The following HS3ST3B1 variants were observed in gnomAD, a reference collection of about 807,000 sequenced individuals.
The protein encoded by HS3ST3B1 is heparan sulfate-glucosamine 3-sulfotransferase 3B1, also known as heparan sulfate glucosamine 3-O-sulfotransferase 3B1.
A neutral mutation model predicts 21.3 loss-of-function variants in HS3ST3B1; 13 were observed. That is an observed-to-expected ratio of 0.61 (90% confidence interval 0.40 to 0.97). The LOEUF (loss-of-function observed/expected upper bound fraction) is 0.97, where lower values mean the gene tolerates loss of function less well. Among genes scored for constraint, HS3ST3B1 ranks in the 50% least tolerant of loss-of-function variants. The pLI is 0.00. For synonymous variants in HS3ST3B1, 234 were observed against 254.8 expected, an observed-to-expected ratio of 0.92 and a Z score of 0.78; for missense variants, 459 against 554.8, an observed-to-expected ratio of 0.83 and a Z score of 1.73.
In HS3ST3B1 at chr17:14,347,972, A is replaced by G. The variant is rs962029050; in HGVS notation, c.*2326A>G. Reference sequence around the variant, plus strand: ...TGTATTTTTTCATTTATTTGAAATCAAACTGAGAACACCTCTTTTCGGTTT... The same window carrying G: ...TGTATTTTTTCATTTATTTGAAATCGAACTGAGAACACCTCTTTTCGGTTT... On this transcript the variant is annotated 3_prime_UTR_variant, in exon 2 of 2. Coordinates refer to ENST00000360954, the MANE Select transcript of HS3ST3B1 (RefSeq NM_006041.3). 1.3e-5 allele frequency: 2 copies of G among 152,216 alleles called. No homozygotes were observed. The highest frequency in any genetic ancestry group is 2.4e-5 in the African/African-American group (1 of 41,458). 9.4% of individuals were successfully genotyped at this position (152,216 alleles called of 1,614,324 possible).
intron 1 of HS3ST3B1, among the ~76,000 whole-genome samples, chr17:14,314,861 G>A (rs936098024): frequency 2.0e-5 from 3 of 152,138 alleles, no homozygotes; most frequent in Non-Finnish European, 2.9e-5. Flanking sequence ...TACGTTTCAC[G>A]ATTAAATTTC....
chr17:14,341,836 G>A (rs1252017874), intron 1 of HS3ST3B1, among the ~76,000 whole-genome samples: 1 of 152,182 alleles, frequency 6.6e-6, no homozygotes, highest in African/African-American at 2.4e-5. Flanking sequence ...AAGAACTTGG[G>A]CTTTATCTGA....
chr17:14,328,320 G>A (rs1429331379), intron 1 of HS3ST3B1: 7 of 152,274 alleles, frequency 4.6e-5, no homozygotes, highest in Middle Eastern at 3.4e-3. Context: ...CAAAGGTATC[G>A]GGCTTTTAGA....
intron 1 of HS3ST3B1, among the ~76,000 whole-genome samples, chr17:14,310,064 T>C (rs758051): frequency 0.51 from 77,335 of 151,760 alleles, 21,237 homozygotes; most frequent in Non-Finnish European, 0.6. Flanking sequence ...GTAAGGCGAT[T>C]CCGCAGATTC....
At chr17:14,342,063 G>C (rs1450564240) in intron 1 of HS3ST3B1, among the ~76,000 whole-genome samples, 1 of 152,200 alleles carries the variant, frequency 6.6e-6, no homozygotes, top group Non-Finnish European at 1.5e-5. Flanking sequence ...CCTGTTGGCA[G>C]TCTGCAAGAA....
chr17:14,326,941 AAAAAAG>A (rs1909837662), intron 1 of HS3ST3B1, among the ~76,000 whole-genome samples: 1 of 151,166 alleles, frequency 6.6e-6, no homozygotes, highest in African/African-American at 2.4e-5. Flanking sequence ...AAAAAAAAAA[AAAAAAG>A]AAGAAGAAGA....
At chr17:14,330,275 T>C (rs1008400681) in intron 1 of HS3ST3B1, among the ~76,000 whole-genome samples, 2 of 152,148 alleles carry the variant, frequency 1.3e-5, no homozygotes, top group African/African-American at 4.8e-5. Context: ...TGTGCCACCC[T>C]ACTGCTGGCT....
chr17:14,307,862 A>G (rs1318468872), intron 1 of HS3ST3B1, among the ~76,000 whole-genome samples: 1 of 152,216 alleles, frequency 6.6e-6, no homozygotes. Context: ...CTCTCATTTA[A>G]CAGTCGATGA....
chr17:14,301,702 C>G lies in HS3ST3B1; in HGVS notation c.184C>G (p.Leu62Val). ...CTCCTGCGCCGCCGCGCCGGGGCTG[C>G]TGCTCCTGGGCTCTGGGTCCCGCGC... ...AGSCAAAPGL[L>V]LLGSGSRAAH... Residue 62 changes from leucine (L) to valine (V), a missense_variant, in exon 1 of 2, where the codon CTG becomes GTG. By Grantham distance (32) the Leu-to-Val change is conservative. Around this residue, in one of 3 missense-constraint regions of HS3ST3B1, gnomAD observed 317 missense variants for 278.6 expected, o/e 1.14. Transcript: ENST00000360954. 4 of 1,601,464 alleles carry G rather than the reference C, an allele frequency of 2.5e-6. No homozygotes were observed. Among genetic ancestry groups the G allele is most frequent in the South Asian group, 1.1e-5 (1 of 90,184 alleles).
intron 1 of HS3ST3B1, among the ~76,000 whole-genome samples, chr17:14,309,689 G>A (rs1190368763): frequency 6.6e-6 from 1 of 152,170 alleles, no homozygotes; most frequent in Non-Finnish European, 1.5e-5. Context: ...TCTTCCTTTG[G>A]TTCCTCTCTC....
Position 14,345,823 on chromosome 17 carries a change from C to A in HS3ST3B1, c.*177C>A. ...TTAGCTTCATAATCTGTTAACATTCCAAAGTGTTTAACTCTAGTATTTCGT... is the reference window on the plus strand; with the variant it reads ...TTAGCTTCATAATCTGTTAACATTCAAAAGTGTTTAACTCTAGTATTTCGT... On this transcript the variant is annotated 3_prime_UTR_variant, in exon 2 of 2. Coordinates refer to ENST00000360954, the MANE Select transcript of HS3ST3B1 (RefSeq NM_006041.3). 2.4e-6 allele frequency: 2 copies of A among 821,716 alleles called. No individual in the cohort carries two copies. The highest frequency in any genetic ancestry group is 3.6e-6 in the Non-Finnish European group (2 of 552,980). 50.9% of individuals were successfully genotyped at this position (821,716 alleles called of 1,614,324 possible). A position where few individuals can be genotyped will look rare whatever the true frequency, so the allele number is the denominator to read the frequency against.
At chr17:14,302,869 T>C (rs1908989200) in intron 1 of HS3ST3B1, among the ~76,000 whole-genome samples, 1 of 152,206 alleles carries the variant, frequency 6.6e-6, no homozygotes, top group Admixed American at 6.5e-5. Flanking sequence ...AGGACGCGTG[T>C]CTCCGCGGGG....
intron 1 of HS3ST3B1, among the ~76,000 whole-genome samples, chr17:14,302,576 T>C (rs760427592): frequency 5.9e-5 from 9 of 152,092 alleles, no homozygotes; most frequent in Non-Finnish European, 1.2e-4. Context: ...GCAGAGTCTG[T>C]TAACTTTTTG....
chr17:14,314,540 A>G (rs957153402), intron 1 of HS3ST3B1, among the ~76,000 whole-genome samples: 3 of 152,200 alleles, frequency 2.0e-5, no homozygotes, highest in Non-Finnish European at 4.4e-5. Context: ...AATATAAAGG[A>G]AGCCTAACAG....
chr17:14,301,502 G>T lies in HS3ST3B1; in HGVS notation c.-17G>T, dbSNP rs1251874186. The T allele has an allele frequency of 6.7e-6, 10 of 1,495,548 alleles. No homozygotes were observed. Among genetic ancestry groups the T allele is most frequent in the Admixed American group, 2.2e-5 (1 of 45,034 alleles). 92.6% of individuals were successfully genotyped at this position (1,495,548 alleles called of 1,614,324 possible). On this transcript the variant is annotated 5_prime_UTR_variant, in exon 1 of 2. Coordinates refer to ENST00000360954, the MANE Select transcript of HS3ST3B1 (RefSeq NM_006041.3). ...CATGTGCTGAGCCATGTCCCTGGCC[G>T]CGCCCGCGGGCAGCGCATGGGGCAG...
chr17:14,332,337 C>G (rs1321488185), intron 1 of HS3ST3B1, among the ~76,000 whole-genome samples: 2 of 152,018 alleles, frequency 1.3e-5, no homozygotes, highest in African/African-American at 4.8e-5. Context: ...CTTTCTTTTT[C>G]CCTTGGATTT....
intron 1 of HS3ST3B1, among the ~76,000 whole-genome samples, chr17:14,312,664 G>A (rs773225264): frequency 1.1e-4 from 17 of 151,704 alleles, no homozygotes; most frequent in Admixed American, 7.2e-4. Context: ...TTCTCTGACC[G>A]AGGCCTGCTC....
chr17:14,326,022 CGTGTGTGTGTGT>C (rs201500207), intron 1 of HS3ST3B1, among the ~76,000 whole-genome samples: 2 of 150,294 alleles, frequency 1.3e-5, no homozygotes, highest in Non-Finnish European at 3.0e-5. Context: ...TGTGTGTGTA[CGTGTGTGTGTGT>C]GCACGCACGT....
intron 1 of HS3ST3B1, among the ~76,000 whole-genome samples, chr17:14,336,404 T>C (rs761179198): frequency 9.9e-5 from 15 of 152,276 alleles, no homozygotes; most frequent in East Asian, 1.9e-4. Flanking sequence ...CTGGGTAACA[T>C]CAGAATTATA....
Sources: allele counts gnomAD v4.1 joint callset (sites outside exome capture counted in the v4.1 genomes callset), GRCh38; gene constraint gnomAD v4.1.1; regional missense constraint gnomAD v4.1.1; transcripts MANE v1.5; gene names NCBI Gene and HGNC (gene_info 2026-07-23, HGNC 2026-07-21).